The following MAST4 variants were observed in gnomAD, a reference collection of about 807,000 sequenced individuals.
The protein encoded by MAST4 is microtubule-associated serine/threonine-protein kinase 4.
Under a neutral mutation model 162.7 loss-of-function variants are expected in MAST4, and 89 were observed. The observed-to-expected ratio is 0.55, with a 90% confidence interval of 0.46 to 0.65. The LOEUF (loss-of-function observed/expected upper bound fraction) is 0.65, where lower values mean the gene tolerates loss of function less well. Ranked by LOEUF, MAST4 falls within the 30% of genes least tolerant of loss-of-function variation. The probability of loss-of-function intolerance (pLI) is 0.00; values close to 1 mark genes in which losing one functional copy is unlikely to be tolerated. For synonymous variants in MAST4, 1,479 were observed against 1,361.1 expected, an observed-to-expected ratio of 1.09 and a Z score of -1.91; for missense variants, 3,153 against 3,374.0, an observed-to-expected ratio of 0.93 and a Z score of 1.62.
At chr5:66,996,259 A>G (rs1332455415) in intron 4 of MAST4, among the ~76,000 whole-genome samples, 1 of 151,960 alleles carries the variant, frequency 6.6e-6, no homozygotes, top group Non-Finnish European at 1.5e-5. Context: ...AGCCTGGGCA[A>G]CAAGAGTGAA....
At chr5:66,859,326 C>A (rs1759917421) in intron 3 of MAST4, among the ~76,000 whole-genome samples, 1 of 152,008 alleles carries the variant, frequency 6.6e-6, no homozygotes, top group South Asian at 2.1e-4. Context: ...ACCATTCTAC[C>A]TTTTTGGTAT....
intron 3 of MAST4, among the ~76,000 whole-genome samples, chr5:66,818,829 T>TA (rs1161813023): frequency 2.6e-5 from 4 of 152,236 alleles, no homozygotes; most frequent in African/African-American, 9.6e-5. Context: ...ATTCTCTTGT[T>TA]AGCTCTGCCT....
intron 1 of MAST4, among the ~76,000 whole-genome samples, chr5:66,723,540 G>A (rs1751344233): frequency 6.6e-6 from 1 of 152,144 alleles, no homozygotes; most frequent in African/African-American, 2.4e-5. Flanking sequence ...TAATTGATGA[G>A]AAAGATGCTA....
intron 4 of MAST4, among the ~76,000 whole-genome samples, chr5:66,944,603 T>C (rs568810366): frequency 3.7e-4 from 56 of 152,286 alleles, no homozygotes; most frequent in Non-Finnish European, 5.1e-4. Flanking sequence ...TTACTTCTGA[T>C]GTCTCATCTC....
rs991898257 is a variant in MAST4, at chr5:67,145,160, T to G, written c.2875T>G (p.Ser959Ala). The change falls in exon 23 of 29, where the codon TCC becomes GCC. Residue 959 changes from serine to alanine, a missense_variant. Coordinates refer to ENST00000403625, the MANE Select transcript of MAST4 (RefSeq NM_001164664.2). Reference protein sequence around the residue: ...EYSEMQQLSTSNSSDTESNRH... With the variant: ...EYSEMQQLSTANSSDTESNRH... ...TTAATTAAGGCAACAGCTATCAACA[T>G]CCAACTCTTCAGATACTGAAAGCAA... 3 of 1,610,432 alleles carry G rather than the reference T, an allele frequency of 1.9e-6. No individual in the cohort carries two copies. The highest frequency in any genetic ancestry group is 2.5e-6 in the Non-Finnish European group (3 of 1,178,188).
chr5:66,749,835 T>C (rs1435120548), intron 1 of MAST4, among the ~76,000 whole-genome samples: 1 of 152,234 alleles, frequency 6.6e-6, no homozygotes, highest in African/African-American at 2.4e-5. Flanking sequence ...CACTGTGGAA[T>C]TAGTATGAAA....
Position 66,602,070 on chromosome 5 carries a change from A to C in MAST4, c.363+5052A>C, listed in dbSNP as rs988754805. ...ACAATATGAAAATACATACATATGA[A>C]ATACTTTTGATCTGTTGAAGAGAAC... On this transcript the variant is annotated intron_variant, in intron 1 of 28. Transcript: ENST00000403625. Among the ~76,000 whole-genome samples the C allele has an allele frequency of 3.2e-4, 48 of 152,242 alleles. 1 individual carries two copies. The highest frequency in any genetic ancestry group is 5.9e-5 in the Non-Finnish European group (4 of 68,046).
intron 4 of MAST4, among the ~76,000 whole-genome samples, chr5:67,025,633 A>G (rs1254569729): frequency 6.6e-6 from 1 of 152,304 alleles, no homozygotes; most frequent in Non-Finnish European, 1.5e-5. Flanking sequence ...GGGGCCTGGC[A>G]TAATTGAGGG....
chr5:66,794,855 A>G (rs142655344), intron 3 of MAST4, among the ~76,000 whole-genome samples: 9 of 152,338 alleles, frequency 5.9e-5, no homozygotes, highest in Admixed American at 5.2e-4. Context: ...TATTAAAACC[A>G]AACTATTTAA....
At chr5:66,792,554 T>C (rs1228217087) in intron 3 of MAST4, 1 of 152,294 alleles carries the variant, frequency 6.6e-6, no homozygotes, top group Non-Finnish European at 1.5e-5. Flanking sequence ...CTTTTTTTTT[T>C]AGTTGCAGGT....
intron 4 of MAST4, among the ~76,000 whole-genome samples, chr5:67,012,109 T>C (rs1230934707): frequency 6.6e-6 from 1 of 152,184 alleles, no homozygotes; most frequent in African/African-American, 2.4e-5. Flanking sequence ...TATTCTCTAA[T>C]GGTTTTGCTT....
At chr5:67,080,655 G>A (rs992232663) in intron 5 of MAST4, among the ~76,000 whole-genome samples, 12 of 152,024 alleles carry the variant, frequency 7.9e-5, no homozygotes, top group African/African-American at 2.7e-4. Context: ...AAGAATTAGA[G>A]TGAATACTCT....
chr5:66,810,139 A>G (rs191287948), intron 3 of MAST4, among the ~76,000 whole-genome samples: 155 of 152,266 alleles, frequency 1.0e-3, no homozygotes, highest in African/African-American at 3.6e-3. Flanking sequence ...AATGCTTGGC[A>G]CACCATTACT....
At chr5:66,667,590 G>A (rs1468789198) in intron 1 of MAST4, among the ~76,000 whole-genome samples, 1 of 152,184 alleles carries the variant, frequency 6.6e-6, no homozygotes, top group Non-Finnish European at 1.5e-5. Flanking sequence ...GTCATAGTTG[G>A]TCGCCAATTC....
intron 5 of MAST4, among the ~76,000 whole-genome samples, chr5:67,060,623 G>A (rs545849478): frequency 2.0e-5 from 3 of 151,892 alleles, no homozygotes; most frequent in East Asian, 3.9e-4. Context: ...GACTACAGGC[G>A]CCTGCCACCA....
At chr5:67,009,619 C>A (rs149883986) in intron 4 of MAST4, among the ~76,000 whole-genome samples, 262 of 152,278 alleles carry the variant, frequency 1.7e-3, no homozygotes, top group African/African-American at 6.1e-3. Context: ...AAATGACTGG[C>A]ATGTAAAAAT....
chr5:66,969,822 C>T (rs1413607734), intron 4 of MAST4, among the ~76,000 whole-genome samples: 1 of 152,204 alleles, frequency 6.6e-6, no homozygotes, highest in Non-Finnish European at 1.5e-5. Flanking sequence ...TCGCTTTTTA[C>T]AATGAGAGGT....
In MAST4 at chr5:66,751,060, T is replaced by C. The variant is rs575409814; in HGVS notation, c.364-8649T>C. 1.6e-3 allele frequency among the ~76,000 whole-genome samples: 243 copies of C among 151,870 alleles called. 1 individual carries two copies. The highest frequency in any genetic ancestry group is 4.4e-3 in the African/African-American group (184 of 41,444). On this transcript the variant is annotated intron_variant, in intron 1 of 28. Transcript: ENST00000403625. ...CACTGACATCTCACACGGCAGGGTA[T>C]TCGAACAGACCTGCAGCTGAGGGTC...
intron 3 of MAST4, among the ~76,000 whole-genome samples, chr5:66,822,113 C>T (rs966978738): frequency 2.0e-5 from 3 of 152,176 alleles, no homozygotes; most frequent in East Asian, 1.9e-4. Flanking sequence ...GGGACTTGCC[C>T]GGCCTGCCGA....
Sources: allele counts gnomAD v4.1 joint callset (sites outside exome capture counted in the v4.1 genomes callset), GRCh38; gene constraint gnomAD v4.1.1; transcripts MANE v1.5; gene names NCBI Gene and HGNC (gene_info 2026-07-23, HGNC 2026-07-21).